Variants in GALNT2 observed in about 807,000 individuals in gnomAD.
GALNT2 encodes UDP-GalNAc:polypeptide N-acetylgalactosaminyltransferase 2.
In GALNT2, 31 loss-of-function variants were observed where a neutral mutation model predicts 81.4. That is an observed-to-expected ratio of 0.38 (90% CI 0.29 to 0.51). The LOEUF (loss-of-function observed/expected upper bound fraction) is 0.51. Among genes scored for constraint, GALNT2 ranks in the 20% least tolerant of loss-of-function variants. GALNT2 has a pLI of 0.87. For synonymous variants in GALNT2, 303 were observed against 287.4 expected (o/e 1.05, Z -0.55); for missense variants, 629 against 765.7 (o/e 0.82, Z 2.11).
intron 3 of GALNT2, among the ~76,000 whole-genome samples, chr1:230,208,786 CAG>C (rs1439269986): frequency 1.3e-5 from 2 of 152,204 alleles, no homozygotes; most frequent in Non-Finnish European, 2.9e-5. Flanking sequence ...AAAGGAGCCT[CAG>C]GGGAGTGTCT....
chr1:230,128,383 G>A (rs908177622), intron 1 of GALNT2, among the ~76,000 whole-genome samples: 2 of 145,266 alleles, frequency 1.4e-5, no homozygotes, highest in Non-Finnish European at 3.1e-5. Context: ...TCAGCCACTT[G>A]GAGTTTTGGG....
chr1:230,243,302 G>T lies in GALNT2; in HGVS notation c.608-4G>T. 6.3e-7 allele frequency: 1 copy of T among 1,599,858 alleles called. No homozygotes were observed. Among genetic ancestry groups the T allele is most frequent in the Non-Finnish European group, 8.5e-7 (1 of 1,176,346 alleles). On this transcript the variant is annotated splice_polypyrimidine_tract_variant and splice_region_variant and intron_variant, in intron 6 of 15. Transcript: ENST00000366672. The surrounding 1 kb of genome is among the most constrained non-coding windows in gnomAD (Gnocchi z 4.2). ...CTGACGTGCTTTCCAACTCGCCTCT[G>T]CAGGCCTCATGCGCTCACGGGTTCG...
At chr1:230,246,875 A>G (rs1037236622) in intron 8 of GALNT2, among the ~76,000 whole-genome samples, 3 of 152,164 alleles carry the variant, frequency 2.0e-5, no homozygotes, top group African/African-American at 7.2e-5. Context: ...AAGATGAACT[A>G]TTCTAGATAG....
chr1:230,261,027 T>C (rs1344115970), intron 11 of GALNT2, among the ~76,000 whole-genome samples: 1 of 152,044 alleles, frequency 6.6e-6, no homozygotes, highest in African/African-American at 2.4e-5. Context: ...ATGTTTTTAG[T>C]GGTCACAGAA....
intron 3 of GALNT2, among the ~76,000 whole-genome samples, chr1:230,232,589 G>C (rs554606647): frequency 1.1e-4 from 16 of 152,300 alleles, no homozygotes; most frequent in Admixed American, 9.8e-4. Context: ...ACCTAGGTCT[G>C]CTCGTCTCAG....
At chr1:230,252,128 G>A (rs1665562798) in intron 10 of GALNT2, among the ~76,000 whole-genome samples, 1 of 152,170 alleles carries the variant, frequency 6.6e-6, no homozygotes, top group Non-Finnish European at 1.5e-5. Flanking sequence ...GAGGGCTCAA[G>A]AGCTTCACGT....
At chr1:230,116,493 G>T (rs1202218955) in intron 1 of GALNT2, among the ~76,000 whole-genome samples, 1 of 152,190 alleles carries the variant, frequency 6.6e-6, no homozygotes, top group African/African-American at 2.4e-5. Context: ...CTCCCAAAGT[G>T]CTGAGATTAC....
At chr1:230,101,336 G>A (rs76834158) in intron 1 of GALNT2, among the ~76,000 whole-genome samples, 23 of 152,154 alleles carry the variant, frequency 1.5e-4, no homozygotes, top group Admixed American at 1.2e-3. Flanking sequence ...TTCTCCCACC[G>A]CCAGTCCTTT....
At chr1:230,084,267 G>T (rs750631377) in intron 1 of GALNT2, among the ~76,000 whole-genome samples, 6 of 152,206 alleles carry the variant, frequency 3.9e-5, no homozygotes, top group Non-Finnish European at 8.8e-5. Flanking sequence ...CAATATCAGA[G>T]TGTGAAGTGG....
chr1:230,250,834 T>G (rs1213199941), intron 10 of GALNT2, among the ~76,000 whole-genome samples: 4 of 152,116 alleles, frequency 2.6e-5, no homozygotes, highest in Non-Finnish European at 5.9e-5. Context: ...TGAACCCAAG[T>G]GTTTGGAATG....
At chr1:230,184,708 G>A (rs886336465) in intron 2 of GALNT2, among the ~76,000 whole-genome samples, 1 of 151,990 alleles carries the variant, frequency 6.6e-6, no homozygotes, top group Non-Finnish European at 1.5e-5. Flanking sequence ...ATGCCTCAGT[G>A]TAGTTTTTGG....
intron 2 of GALNT2, among the ~76,000 whole-genome samples, chr1:230,179,184 A>G (rs12037200): frequency 0.083 from 12,565 of 151,902 alleles, 774 homozygotes; most frequent in East Asian, 0.26. Context: ...TGGGTGTATT[A>G]GTTTGTTTAT....
intron 1 of GALNT2, among the ~76,000 whole-genome samples, chr1:230,176,903 T>C (rs773619995): frequency 4.6e-5 from 7 of 152,178 alleles, no homozygotes; most frequent in Non-Finnish European, 1.0e-4. Flanking sequence ...TGGGTGGGGC[T>C]TGGACCCCCG....
intron 3 of GALNT2, among the ~76,000 whole-genome samples, chr1:230,209,133 G>A (rs1407006990): frequency 1.3e-5 from 2 of 151,902 alleles, no homozygotes; most frequent in Admixed American, 1.3e-4. Context: ...GCCCTCAAAA[G>A]CAGGTTGAAA....
intron 14 of GALNT2, among the ~76,000 whole-genome samples, chr1:230,266,989 G>GACACACACACAC (rs35956776): frequency 8.9e-4 from 131 of 146,790 alleles, no homozygotes; most frequent in East Asian, 7.6e-3. Flanking sequence ...GCACGTGTGT[G>GACACACACACAC]ACACACACAC....
At chr1:230,176,026 T>C (rs1662969478) in intron 1 of GALNT2, among the ~76,000 whole-genome samples, 1 of 152,132 alleles carries the variant, frequency 6.6e-6, no homozygotes, top group Non-Finnish European at 1.5e-5. Context: ...TGCACAATGC[T>C]TGGCGCATAG....
At chr1:230,191,291 G>A (rs1018468083) in intron 2 of GALNT2, among the ~76,000 whole-genome samples, 2 of 152,196 alleles carry the variant, frequency 1.3e-5, no homozygotes, top group Non-Finnish European at 2.9e-5. Context: ...GAGTTAGTCC[G>A]GCTGACAGTG....
At chr1:230,156,491 C>T (rs1047443310) in intron 1 of GALNT2, among the ~76,000 whole-genome samples, 12 of 152,110 alleles carry the variant, frequency 7.9e-5, no homozygotes, top group African/African-American at 1.9e-4. Flanking sequence ...TTACCTTCAA[C>T]GTTCGTTTCC....
chr1:230,091,250 T>A (rs1410328091), intron 1 of GALNT2, among the ~76,000 whole-genome samples: 2 of 151,828 alleles, frequency 1.3e-5, no homozygotes, highest in Admixed American at 6.6e-5. Flanking sequence ...TATTTTTTTT[T>A]TTTTTAGTAG....
Sources: allele counts gnomAD v4.1 joint callset (sites outside exome capture counted in the v4.1 genomes callset), GRCh38; gene constraint gnomAD v4.1.1; non-coding constraint Gnocchi (gnomAD v3.1); transcripts MANE v1.5; gene names NCBI Gene and HGNC (gene_info 2026-07-23, HGNC 2026-07-21).